ERC2: variants seen among roughly 807,000 people sequenced by gnomAD.
ERC2 encodes the protein ERC protein 2.
A neutral mutation model predicts 114.8 loss-of-function variants in ERC2; 42 were observed. The observed-to-expected ratio is 0.37, with a 90% confidence interval of 0.29 to 0.47. The LOEUF (loss-of-function observed/expected upper bound fraction) is 0.47. Ranked by LOEUF, ERC2 falls within the 20% of genes least tolerant of loss-of-function variation. The probability of loss-of-function intolerance (pLI) is 0.99; values close to 1 mark genes in which losing one functional copy is unlikely to be tolerated. For synonymous variants in ERC2, 454 were observed against 425.5 expected, an observed-to-expected ratio of 1.07 and a Z score of -0.82; for missense variants, 939 against 1,150.7, an observed-to-expected ratio of 0.82 and a Z score of 2.66.
intron 3 of ERC2, among the ~76,000 whole-genome samples, chr3:56,193,336 C>T (rs1233797052): frequency 1.3e-5 from 2 of 152,050 alleles, no homozygotes; most frequent in African/African-American, 4.8e-5. Context: ...GGCAAAACCC[C>T]GTCTCTACTG....
chr3:56,178,343 A>G (rs1308322079), intron 3 of ERC2, among the ~76,000 whole-genome samples: 4 of 152,184 alleles, frequency 2.6e-5, no homozygotes, highest in Non-Finnish European at 5.9e-5. Context: ...CTGTATAACA[A>G]ACCACCCCAA....
intron 2 of ERC2, among the ~76,000 whole-genome samples, chr3:56,380,633 C>T (rs547486669): frequency 1.3e-5 from 2 of 152,190 alleles, no homozygotes; most frequent in Non-Finnish European, 2.9e-5. Context: ...AGTCCTCAAA[C>T]TCAATACAAA....
At chr3:56,060,889 A>G (rs1576757918) in intron 7 of ERC2, among the ~76,000 whole-genome samples, 1 of 152,182 alleles carries the variant, frequency 6.6e-6, no homozygotes, top group Admixed American at 6.5e-5. Flanking sequence ...AATTCCAGAT[A>G]TTACAGCTAT....
chr3:56,285,032 T>TACACACAC (rs10575135), intron 3 of ERC2, among the ~76,000 whole-genome samples: 16 of 106,896 alleles, frequency 1.5e-4, no homozygotes, highest in Admixed American at 4.8e-4. Context: ...CACACACACA[T>TACACACAC]ACACACACAC....
intron 6 of ERC2, among the ~76,000 whole-genome samples, chr3:56,093,968 G>C (rs1005528033): frequency 6.6e-6 from 1 of 152,140 alleles, no homozygotes; most frequent in Non-Finnish European, 1.5e-5. Flanking sequence ...GGGAAACATT[G>C]TGGGCTCTAG....
chr3:56,013,552 G>A (rs2073104531), intron 8 of ERC2, among the ~76,000 whole-genome samples: 1 of 152,190 alleles, frequency 6.6e-6, no homozygotes, highest in African/African-American at 2.4e-5. Context: ...AGACAGGGTG[G>A]AAACAGCTTC....
intron 17 of ERC2, among the ~76,000 whole-genome samples, chr3:55,527,755 A>G (rs981332834): frequency 2.0e-5 from 3 of 152,350 alleles, no homozygotes; most frequent in Non-Finnish European, 4.4e-5. Context: ...AATGATTCTC[A>G]GGTATAGGTG....
chr3:55,633,256 C>T (rs1018666421), intron 17 of ERC2, among the ~76,000 whole-genome samples: 3 of 152,162 alleles, frequency 2.0e-5, no homozygotes, highest in East Asian at 3.8e-4. Flanking sequence ...TGAAAGAGTA[C>T]CTGACATAGA....
intron 14 of ERC2, among the ~76,000 whole-genome samples, chr3:55,808,740 TATAAC>T: frequency 2.4e-5 from 2 of 82,754 alleles, no homozygotes; most frequent in African/African-American, 4.8e-5. Context: ...TATATATATA[TATAAC>T]GTATAACTAA....
Position 55,893,464 on chromosome 3 carries a change from C to T in ERC2, c.2404-4915G>A, listed in dbSNP as rs372322489. 2.6e-5 allele frequency among the ~76,000 whole-genome samples: 4 copies of T among 152,252 alleles called. No homozygotes were observed. In the East Asian group the frequency reaches 5.8e-4, roughly 22 times the overall value. ...ACCTCTTTCACATGTACCTAACCAC[C>T]TGTTGATCACTTCCATCTGGATGTC... On this transcript the variant is annotated intron_variant, in intron 13 of 17. Transcript: ENST00000288221.
intron 12 of ERC2, among the ~76,000 whole-genome samples, chr3:55,961,847 C>A (rs2068397678): frequency 1.1e-5 from 1 of 91,138 alleles, no homozygotes. Flanking sequence ...TGAAATGATA[C>A]CCAGTCAAAA....
chr3:55,530,351 A>T (rs988805391), intron 17 of ERC2, among the ~76,000 whole-genome samples: 4 of 152,184 alleles, frequency 2.6e-5, no homozygotes, highest in Admixed American at 2.0e-4. Flanking sequence ...CACAGACAAT[A>T]AGTACATGAA....
intron 7 of ERC2, among the ~76,000 whole-genome samples, chr3:56,027,946 G>C (rs2074147960): frequency 6.6e-6 from 1 of 152,054 alleles, no homozygotes; most frequent in South Asian, 2.1e-4. Context: ...TTAAGTACAT[G>C]ATCTACTTTT....
intron 3 of ERC2, among the ~76,000 whole-genome samples, chr3:56,210,197 G>A (rs1296772825): frequency 6.6e-6 from 1 of 152,094 alleles, no homozygotes; most frequent in Non-Finnish European, 1.5e-5. Context: ...ACTTGGCAAG[G>A]GATTCTAGTC....
At chr3:55,921,814 T>C (rs2065447151) in intron 13 of ERC2, among the ~76,000 whole-genome samples, 2 of 152,168 alleles carry the variant, frequency 1.3e-5, no homozygotes, top group African/African-American at 2.4e-5. Context: ...AAGTACTTAA[T>C]GGGACATCTT....
intron 17 of ERC2, among the ~76,000 whole-genome samples, chr3:55,680,874 A>C (rs984004918): frequency 2.7e-4 from 41 of 152,250 alleles, no homozygotes; most frequent in Admixed American, 2.1e-3. Flanking sequence ...TGTTTGGTGT[A>C]GGCAGCATAG....
chr3:56,263,072 A>G (rs1352672892), intron 3 of ERC2, among the ~76,000 whole-genome samples: 1 of 152,258 alleles, frequency 6.6e-6, no homozygotes, highest in African/African-American at 2.4e-5. Flanking sequence ...TTGGCAAGGA[A>G]GAGCCCTTAA....
intron 17 of ERC2, among the ~76,000 whole-genome samples, chr3:55,630,953 T>TG (rs1478671588): frequency 7.1e-6 from 1 of 141,418 alleles, no homozygotes; most frequent in African/African-American, 2.7e-5. Context: ...ATGATCAGTT[T>TG]GGAAAAAAAA....
At chr3:56,430,997 C>A (rs2061766155) in intron 2 of ERC2, among the ~76,000 whole-genome samples, 1 of 151,942 alleles carries the variant, frequency 6.6e-6, no homozygotes, top group African/African-American at 2.4e-5. Flanking sequence ...ATGCTGCTTA[C>A]CAACTGTGTG....
Sources: gnomAD v4.1 joint callset for allele counts (sites outside exome capture counted in the v4.1 genomes callset) on GRCh38, gnomAD v4.1.1 for gene constraint, MANE v1.5 for transcripts, NCBI Gene and HGNC (gene_info 2026-07-23, HGNC 2026-07-21) for gene names.